The following ZFAT variants were observed in gnomAD, a reference collection of about 807,000 sequenced individuals.
ZFAT encodes the protein zinc finger and AT-hook domain containing.
A neutral mutation model predicts 117.7 loss-of-function variants in ZFAT; 64 were observed. That is an observed-to-expected ratio of 0.54 (90% CI 0.44 to 0.67). The LOEUF is 0.67. Ranked by LOEUF, ZFAT falls within the 30% of genes least tolerant of loss-of-function variation. The pLI is 0.00. For synonymous variants in ZFAT, 679 were observed against 615.0 expected (o/e 1.10, Z -1.54); for missense variants, 1,433 against 1,584.5 (o/e 0.90, Z 1.62).
At chr8:134,707,306 A>C (rs908797705) in intron 1 of ZFAT, among the ~76,000 whole-genome samples, 2 of 152,174 alleles carry the variant, frequency 1.3e-5, no homozygotes, top group African/African-American at 4.8e-5. Flanking sequence ...TCCGTTTTCC[A>C]CTGCCAGGAC....
intron 1 of ZFAT, among the ~76,000 whole-genome samples, chr8:134,711,174 G>A (rs995984600): frequency 6.6e-6 from 1 of 152,164 alleles, no homozygotes; most frequent in African/African-American, 2.4e-5. Flanking sequence ...TCACTACACT[G>A]CCCAGGCTGG....
the ZFAT span, among the ~76,000 whole-genome samples, chr8:134,819,447 A>G: frequency 6.6e-6 from 1 of 151,012 alleles, no homozygotes. Flanking sequence ...CAGATTTGGT[A>G]ATTTCCAAGG....
intron 11 of ZFAT, among the ~76,000 whole-genome samples, chr8:134,534,308 C>T (rs1469948793): frequency 1.3e-5 from 2 of 152,236 alleles, no homozygotes; most frequent in Non-Finnish European, 2.9e-5. Context: ...TGGAAGCTAA[C>T]GTACCACTGC....
chr8:134,502,694 T>C (rs1819086958), intron 15 of ZFAT, among the ~76,000 whole-genome samples: 3 of 152,366 alleles, frequency 2.0e-5, no homozygotes, highest in Admixed American at 6.5e-5. Context: ...TGGGCAAAGC[T>C]GGAGTTCCTG....
intron 4 of ZFAT, among the ~76,000 whole-genome samples, chr8:134,609,577 A>G (rs1404297498): frequency 6.6e-6 from 1 of 152,220 alleles, no homozygotes; most frequent in Non-Finnish European, 1.5e-5. Context: ...TTCATTTTAA[A>G]TAATGAGTTA....
At chr8:134,692,057 T>C (rs555425119) in intron 1 of ZFAT, among the ~76,000 whole-genome samples, 1 of 152,262 alleles carries the variant, frequency 6.6e-6, no homozygotes, top group Non-Finnish European at 1.5e-5. Context: ...GGTTTCTCCA[T>C]GTTGGTCAGG....
At chr8:134,545,630 T>C (rs1001797193) in intron 11 of ZFAT, among the ~76,000 whole-genome samples, 2 of 152,238 alleles carry the variant, frequency 1.3e-5, no homozygotes, top group Admixed American at 1.3e-4. Flanking sequence ...CACCCATGTA[T>C]GCATCTCTAA....
the ZFAT span, among the ~76,000 whole-genome samples, chr8:134,818,247 G>A: frequency 6.6e-6 from 1 of 152,096 alleles, no homozygotes; most frequent in Non-Finnish European, 1.5e-5. Flanking sequence ...TCTGATAAAG[G>A]ATTTATACAT....
the ZFAT span, among the ~76,000 whole-genome samples, chr8:134,781,284 CTTAATTTT>C: frequency 6.6e-6 from 1 of 152,050 alleles, no homozygotes; most frequent in Non-Finnish European, 1.5e-5. Flanking sequence ...TGCCACCATG[CTTAATTTT>C]TTAATTTTTT....
chr8:134,630,552 A>C (rs1829816781), intron 3 of ZFAT, among the ~76,000 whole-genome samples: 1 of 152,236 alleles, frequency 6.6e-6, no homozygotes, highest in East Asian at 1.9e-4. Flanking sequence ...GAAGAATTTA[A>C]TGAGAATAAG....
At chr8:134,605,612 C>T (rs1234751644) in intron 5 of ZFAT, among the ~76,000 whole-genome samples, 2 of 151,630 alleles carry the variant, frequency 1.3e-5, no homozygotes, top group Non-Finnish European at 2.9e-5. Context: ...ACTCCTTAAT[C>T]CAGTTATTCC....
At chr8:134,667,509 AAAAC>A (rs1832292577) in intron 1 of ZFAT, among the ~76,000 whole-genome samples, 3 of 137,086 alleles carry the variant, frequency 2.2e-5, no homozygotes, top group African/African-American at 2.5e-5. Context: ...AAAAAAAAAA[AAAAC>A]ATAGATGACA....
chr8:134,538,333 T>C (rs933000456), intron 11 of ZFAT, among the ~76,000 whole-genome samples: 1 of 152,130 alleles, frequency 6.6e-6, no homozygotes, highest in Non-Finnish European at 1.5e-5. Flanking sequence ...CAGTGTCCAC[T>C]GGACCTGGCA....
the ZFAT span, among the ~76,000 whole-genome samples, chr8:134,778,736 T>C: frequency 6.6e-6 from 1 of 152,112 alleles, no homozygotes; most frequent in African/African-American, 2.4e-5. Context: ...AAAGATTATA[T>C]CAAGGACAAC....
chr8:134,542,107 C>T (rs962714005), intron 11 of ZFAT, among the ~76,000 whole-genome samples: 2 of 152,212 alleles, frequency 1.3e-5, no homozygotes, highest in South Asian at 2.1e-4. Context: ...TGGTCACCCT[C>T]GTTCACTGGA....
intron 15 of ZFAT, among the ~76,000 whole-genome samples, chr8:134,483,424 T>C (rs1256562025): frequency 6.6e-6 from 1 of 152,232 alleles, no homozygotes; most frequent in African/African-American, 2.4e-5. Context: ...TCCCATGTTA[T>C]GGGTTGATAT....
At chr8:134,675,078 G>A (rs552576948) in intron 1 of ZFAT, among the ~76,000 whole-genome samples, 7 of 152,336 alleles carry the variant, frequency 4.6e-5, no homozygotes, top group East Asian at 1.9e-4. Context: ...CCTCGCCAGC[G>A]AGGGGACAAA....
intron 15 of ZFAT, among the ~76,000 whole-genome samples, chr8:134,498,372 G>T: frequency 7.9e-6 from 1 of 126,758 alleles, no homozygotes; most frequent in Non-Finnish European, 1.7e-5. Context: ...GCCTGATTTG[G>T]TAGGGTTGGG....
intron 14 of ZFAT, among the ~76,000 whole-genome samples, chr8:134,511,707 A>C (rs971229681): frequency 6.6e-6 from 1 of 152,192 alleles, no homozygotes; most frequent in South Asian, 2.1e-4. Flanking sequence ...TGTTCTGTTC[A>C]TCTTTTAAAA....
Sources: gnomAD v4.1 joint callset for allele counts (sites outside exome capture counted in the v4.1 genomes callset) on GRCh38, gnomAD v4.1.1 for gene constraint, MANE v1.5 for transcripts, NCBI Gene and HGNC (gene_info 2026-07-23, HGNC 2026-07-21) for gene names.